LMNTD1: variants seen among roughly 807,000 people sequenced by gnomAD.
LMNTD1 encodes lamin tail domain containing 1.
LMNTD1 carries 35 observed loss-of-function variants against 50.9 expected under a neutral mutation model. The observed-to-expected ratio is 0.69, with a 90% confidence interval of 0.53 to 0.91. The LOEUF is 0.91. LMNTD1 is among the 40% of genes least tolerant of loss of function. The pLI is 0.00. For synonymous variants in LMNTD1, 153 were observed against 161.9 expected (o/e 0.94, Z 0.42); for missense variants, 470 against 475.5 (o/e 0.99, Z 0.11).
rs536374639 is a variant in LMNTD1, at chr12:25,545,099, G to GT, written c.491+1274dup. ...AGGTGTTTTCTTTTTGAACATTAGT[G>GT]TTTTTTTGTTTCAGATTGAAGAACT... is the stretch of plus-strand genomic sequence containing the variant. On this transcript the variant is annotated intron_variant, in intron 4 of 9. Transcript: ENST00000458174. 2.1e-4 allele frequency among the ~76,000 whole-genome samples: 32 copies of GT among 151,520 alleles called. No individual in the cohort carries two copies. In the South Asian group the frequency reaches 5.8e-3, roughly 28 times the overall value.
intron 1 of LMNTD1, among the ~76,000 whole-genome samples, chr12:25,577,134 C>T (rs905910769): frequency 7.2e-5 from 11 of 152,128 alleles, no homozygotes; most frequent in Admixed American, 2.6e-4. Context: ...GTGATGCTGC[C>T]AGCTTTGTTC....
chr12:25,540,247 C>T, intron 4 of LMNTD1, among the ~76,000 whole-genome samples: 1 of 63,126 alleles, frequency 1.6e-5, no homozygotes, highest in African/African-American at 5.8e-5. Flanking sequence ...CATTCTGATA[C>T]CAAAGCCGGG....
At chr12:25,597,728 G>A (rs549052077) in intron 1 of LMNTD1, among the ~76,000 whole-genome samples, 41 of 152,112 alleles carry the variant, frequency 2.7e-4, no homozygotes, top group Admixed American at 6.5e-4. Flanking sequence ...TCATTCTCAC[G>A]GATAAATCAT....
intron 4 of LMNTD1, among the ~76,000 whole-genome samples, chr12:25,539,301 C>T (rs1014686870): frequency 1.3e-5 from 2 of 151,666 alleles, no homozygotes; most frequent in Admixed American, 6.6e-5. Flanking sequence ...ACACCTATTC[C>T]AAAATTGACC....
Position 25,476,322 on chromosome 12 carries a change from C to T in LMNTD1, c.*161G>A, listed in dbSNP as rs888808983. 1 of 152,174 alleles carries T rather than the reference C, an allele frequency of 6.6e-6. No individual in the cohort carries two copies. The highest frequency in any genetic ancestry group is 2.4e-5 in the African/African-American group (1 of 41,428). The allele number at this position is 152,174 out of a possible 1,614,324, so 9.4% of individuals were successfully genotyped here. A position where few individuals can be genotyped will look rare whatever the true frequency, so the allele number is the denominator to read the frequency against. On this transcript the variant is annotated 3_prime_UTR_variant, in exon 10 of 10. Transcript: ENST00000458174. ...ATAATTCACCAATTCTACAGCAATACAAATTTTGGATCCTTTTTCCATATA... is the reference window on the plus strand; with the variant it reads ...ATAATTCACCAATTCTACAGCAATATAAATTTTGGATCCTTTTTCCATATA...
chr12:25,567,669 G>T (rs191354757), intron 1 of LMNTD1, among the ~76,000 whole-genome samples: 2 of 152,124 alleles, frequency 1.3e-5, no homozygotes, highest in Admixed American at 1.3e-4. Flanking sequence ...TTGTTTAAAA[G>T]AGTGTGGCAC....
At chr12:25,487,615 G>C (rs1229136899) in intron 9 of LMNTD1, among the ~76,000 whole-genome samples, 1 of 127,760 alleles carries the variant, frequency 7.8e-6, no homozygotes, top group East Asian at 3.2e-4. Flanking sequence ...CTTTTAATTG[G>C]AGAATTTAGT....
chr12:25,623,151 G>C (rs1229770907), intron 1 of LMNTD1, among the ~76,000 whole-genome samples: 6 of 152,000 alleles, frequency 3.9e-5, no homozygotes, highest in Admixed American at 3.9e-4. Flanking sequence ...GTAAAGGCAA[G>C]AAGCCTGTCA....
At chr12:25,508,095 C>T (rs1302326283) in intron 8 of LMNTD1, among the ~76,000 whole-genome samples, 1 of 118,162 alleles carries the variant, frequency 8.5e-6, no homozygotes, top group Non-Finnish European at 1.9e-5. Flanking sequence ...GCTTTCTTCC[C>T]TTACCAGTTT....
intron 1 of LMNTD1, among the ~76,000 whole-genome samples, chr12:25,566,519 C>A (rs1257755726): frequency 1.3e-5 from 2 of 152,176 alleles, no homozygotes; most frequent in Admixed American, 1.3e-4. Context: ...TACTTTAGTT[C>A]TTTAAGAAAT....
intron 1 of LMNTD1, among the ~76,000 whole-genome samples, chr12:25,641,140 TTGGA>T (rs780434806): frequency 2.0e-5 from 3 of 152,126 alleles, no homozygotes; most frequent in Admixed American, 6.5e-5. Context: ...CCAGTATGTT[TTGGA>T]TGGATGGATG....
intron 6 of LMNTD1, among the ~76,000 whole-genome samples, chr12:25,521,502 A>C (rs1323450079): frequency 6.6e-6 from 1 of 152,198 alleles, no homozygotes; most frequent in Non-Finnish European, 1.5e-5. Context: ...AGAGTAACGC[A>C]TCTTGGCCTT....
At chr12:25,581,797 GCTA>G (rs1945303050) in intron 1 of LMNTD1, among the ~76,000 whole-genome samples, 1 of 152,166 alleles carries the variant, frequency 6.6e-6, no homozygotes, top group South Asian at 2.1e-4. Flanking sequence ...TTGCCCCTAG[GCTA>G]CAAACCTGTA....
chr12:25,626,474 G>C (rs552764222), intron 1 of LMNTD1, among the ~76,000 whole-genome samples: 1 of 152,036 alleles, frequency 6.6e-6, no homozygotes, highest in Admixed American at 6.6e-5. Context: ...ATTATAAATA[G>C]TAACTATAAC....
At chr12:25,536,370 T>C (rs1942579127) in intron 4 of LMNTD1, among the ~76,000 whole-genome samples, 2 of 152,188 alleles carry the variant, frequency 1.3e-5, no homozygotes, top group Non-Finnish European at 2.9e-5. Flanking sequence ...TCATACAAAG[T>C]ATGTTCTTTG....
intron 1 of LMNTD1, among the ~76,000 whole-genome samples, chr12:25,575,483 T>A (rs186000811): frequency 7.2e-5 from 11 of 152,304 alleles, no homozygotes; most frequent in Admixed American, 7.2e-4. Flanking sequence ...GTACCATGCA[T>A]CCCAATGTCA....
chr12:25,617,585 T>C (rs1317994444), intron 1 of LMNTD1, among the ~76,000 whole-genome samples: 1 of 152,142 alleles, frequency 6.6e-6, no homozygotes, highest in African/African-American at 2.4e-5. Context: ...TCTATTTTTC[T>C]AGAGAGTGAA....
At chr12:25,634,899 C>A (rs1273318812) in intron 1 of LMNTD1, among the ~76,000 whole-genome samples, 1 of 152,072 alleles carries the variant, frequency 6.6e-6, no homozygotes, top group Non-Finnish European at 1.5e-5. Context: ...TGATCGTTTA[C>A]CTTGAAAACC....
intron 4 of LMNTD1, 122 bp from the exon 5 acceptor site, chr12:25,527,077 G>A (rs1404963268): frequency 9.9e-6 from 6 of 606,124 alleles, no homozygotes; most frequent in Non-Finnish European, 1.4e-5. Context: ...TATTGGGCAA[G>A]TTCTATATAG....
Sources: gnomAD v4.1 joint callset for allele counts (sites outside exome capture counted in the v4.1 genomes callset) on GRCh38, gnomAD v4.1.1 for gene constraint, MANE v1.5 for transcripts, NCBI Gene and HGNC (gene_info 2026-07-23, HGNC 2026-07-21) for gene names.